The following SMAD4 variants were observed in gnomAD, a reference collection of about 807,000 sequenced individuals.
SMAD4 encodes the protein MAD homolog 4.
A neutral mutation model predicts 63.2 loss-of-function variants in SMAD4; 7 were observed. The observed-to-expected ratio is 0.11, with a 90% CI of 0.06 to 0.21. SMAD4 has a LOEUF of 0.21. Among genes scored for constraint, SMAD4 ranks in the 10% least tolerant of loss-of-function variants. SMAD4 has a pLI of 1.00. For missense variants in SMAD4, 312 were observed against 693.8 expected, an observed-to-expected ratio of 0.45 and a Z score of 6.18; for synonymous variants, 215 against 235.4, an observed-to-expected ratio of 0.91 and a Z score of 0.79.
At chr18:51,056,434 C>T (rs762707819) in intron 5 of SMAD4, among the ~76,000 whole-genome samples, 5 of 151,502 alleles carry the variant, frequency 3.3e-5, no homozygotes, top group Admixed American at 6.6e-5. Flanking sequence ...AATCGAATAC[C>T]GTAAATACTG....
chr18:51,044,104 A>G (rs772666140), intron 1 of SMAD4, among the ~76,000 whole-genome samples: 11 of 152,216 alleles, frequency 7.2e-5, no homozygotes, highest in Non-Finnish European at 1.6e-4. Flanking sequence ...TGTAATCGTA[A>G]TTGTTAAATT....
intron 1 of SMAD4, among the ~76,000 whole-genome samples, chr18:51,042,268 AT>A (rs908546557): frequency 5.3e-5 from 8 of 150,788 alleles, no homozygotes; most frequent in Non-Finnish European, 1.0e-4. Flanking sequence ...CTTTTAATTC[AT>A]TTTTTTCTTG....
At chr18:51,043,965 A>G (rs950236008) in intron 1 of SMAD4, among the ~76,000 whole-genome samples, 13 of 152,192 alleles carry the variant, frequency 8.5e-5, no homozygotes, top group African/African-American at 3.1e-4. Context: ...TGGTGCTGGG[A>G]ATTTCTAAAA....
rs189468176 is a variant in SMAD4 at position 51,053,672 on chromosome 18, T to A, written c.455-1109T>A. On this transcript the variant is annotated intron_variant, in intron 4 of 11. Coordinates refer to ENST00000342988, the MANE Select transcript of SMAD4 (RefSeq NM_005359.6). ...TTACTGCCTTAAACTAGTCTCAATT[T>A]AATAAAAAGTACCCATGTAACTTAA... 2.8e-3 allele frequency: 432 copies of A among 152,266 alleles called. 4 individuals carry two copies. Among genetic ancestry groups the A allele is most frequent in the African/African-American group, 0.01 (421 of 41,566 alleles). 9.4% of individuals were successfully genotyped at this position (152,266 alleles called of 1,614,324 possible).
intron 4 of SMAD4, chr18:51,053,467 A>T (rs1044472694): frequency 2.0e-5 from 3 of 152,124 alleles, no homozygotes; most frequent in African/African-American, 7.2e-5. Context: ...TTTTATTGAT[A>T]CATAATTTGT....
At chr18:51,041,772 A>C (rs1909391869) in intron 1 of SMAD4, among the ~76,000 whole-genome samples, 1 of 152,242 alleles carries the variant, frequency 6.6e-6, no homozygotes, top group South Asian at 2.1e-4. Flanking sequence ...CGATGACAGC[A>C]GTGCCCCCAG....
At chr18:51,072,399 A>G (rs1910341110) in intron 10 of SMAD4, among the ~76,000 whole-genome samples, 1 of 152,198 alleles carries the variant, frequency 6.6e-6, no homozygotes, top group Non-Finnish European at 1.5e-5. Context: ...GGGGCAGCAG[A>G]TGCTTCTAAA....
At chr18:51,053,513 A>C (rs1455248602) in intron 4 of SMAD4, 2 of 152,132 alleles carry the variant, frequency 1.3e-5, no homozygotes, top group African/African-American at 4.8e-5. Flanking sequence ...GTTTCCATAA[A>C]ATTTCTAAAG....
At chr18:51,051,121 G>A (rs951433181) in intron 4 of SMAD4, 2 of 183,798 alleles carry the variant, frequency 1.1e-5, no homozygotes, top group Admixed American at 6.1e-5. Context: ...TAAAGGTTGG[G>A]AGACTGCAAT....
At chr18:51,041,303 G>A (rs1201560046) in intron 1 of SMAD4, among the ~76,000 whole-genome samples, 2 of 152,024 alleles carry the variant, frequency 1.3e-5, no homozygotes, top group East Asian at 1.9e-4. Context: ...ATTCTTATTC[G>A]TATGTGGTAA....
intron 10 of SMAD4, among the ~76,000 whole-genome samples, chr18:51,070,634 T>C (rs2144460812): frequency 6.6e-6 from 1 of 152,288 alleles, no homozygotes; most frequent in South Asian, 2.1e-4. Context: ...AAATATTAAA[T>C]GAAAAATTCC....
intron 4 of SMAD4, chr18:51,054,453 G>A (rs1909787776): frequency 3.1e-6 from 1 of 320,646 alleles, no homozygotes; most frequent in African/African-American, 2.2e-5. Flanking sequence ...CCTGCCTTAT[G>A]TATTTAGGTG....
chr18:51,076,957 T>C, intron 11 of SMAD4, 181 bp downstream of exon 11: 1 of 527,452 alleles, frequency 1.9e-6, no homozygotes, highest in Non-Finnish European at 3.4e-6. Context: ...CCTATGACCC[T>C]GTTTGCATTC....
At position 51,073,388 on chromosome 18, in the gene SMAD4, T is replaced by TATATATAC. The variant is rs1417299090; in HGVS notation, c.1309-3249_1309-3248insTATATACA. ...ATATATATATATATATATATATATA[T>TATATATAC]ACACACACACACACACACACACACA... On this transcript the variant is annotated intron_variant, in intron 10 of 11. Coordinates refer to ENST00000342988, the MANE Select transcript of SMAD4 (RefSeq NM_005359.6). 4.7e-3 allele frequency among the ~76,000 whole-genome samples: 303 copies of TATATATAC among 64,134 alleles called. 2 individuals carry two copies. Among genetic ancestry groups the TATATATAC allele is most frequent in the African/African-American group, 8.8e-3 (115 of 13,090 alleles). 42.1% of individuals were successfully genotyped at this position (64,134 alleles called of 152,430 possible). A position where few individuals can be genotyped will look rare whatever the true frequency, so the allele number is the denominator to read the frequency against.
At chr18:51,045,250 G>A (rs553100779) in intron 1 of SMAD4, among the ~76,000 whole-genome samples, 1 of 152,154 alleles carries the variant, frequency 6.6e-6, no homozygotes, top group Non-Finnish European at 1.5e-5. Flanking sequence ...TTTAACAAAG[G>A]TCTTCAGAAG....
intron 4 of SMAD4, among the ~76,000 whole-genome samples, chr18:51,050,883 TGTG>T (rs1407620017): frequency 4.6e-5 from 7 of 152,028 alleles, no homozygotes; most frequent in South Asian, 2.1e-4. Context: ...CTCACTGCCT[TGTG>T]GTGCTTGTTA....
intron 8 of SMAD4, among the ~76,000 whole-genome samples, chr18:51,064,314 T>A (rs1910093863): frequency 6.6e-6 from 1 of 152,246 alleles, no homozygotes; most frequent in African/African-American, 2.4e-5. Flanking sequence ...AGATGGGATG[T>A]CCCCTACCAT....
intron 7 of SMAD4, among the ~76,000 whole-genome samples, chr18:51,058,879 A>T (rs1274171624): frequency 6.6e-6 from 1 of 152,170 alleles, no homozygotes; most frequent in Non-Finnish European, 1.5e-5. Flanking sequence ...CTGTGCTGGC[A>T]TGATTGGGAG....
intron 9 of SMAD4, 88 bp from the exon 10 acceptor site, chr18:51,066,931 T>G: frequency 1.0e-6 from 1 of 1,000,806 alleles, no homozygotes; most frequent in Admixed American, 1.9e-5. Flanking sequence ...TTTTAATTTT[T>G]CAATATTAAG....
Sources: gnomAD v4.1 joint callset for allele counts (sites outside exome capture counted in the v4.1 genomes callset) on GRCh38, gnomAD v4.1.1 for gene constraint, MANE v1.5 for transcripts, NCBI Gene and HGNC (gene_info 2026-07-23, HGNC 2026-07-21) for gene names.